BRINP1: variants seen among roughly 807,000 people sequenced by gnomAD.
BRINP1 encodes the protein BMP/retinoic acid-inducible neural-specific protein 1.
A neutral mutation model predicts 72.9 loss-of-function variants in BRINP1; 17 were observed. The observed-to-expected ratio is 0.23, with a 90% CI of 0.16 to 0.35. The LOEUF (loss-of-function observed/expected upper bound fraction) is 0.35, where lower values mean the gene tolerates loss of function less well. Ranked by LOEUF, BRINP1 falls within the 10% of genes least tolerant of loss-of-function variation. The pLI, the probability that BRINP1 is intolerant of heterozygous loss-of-function variation, is 1.00. For missense variants in BRINP1, 850 were observed against 1,001.6 expected (o/e 0.85, Z 2.04); for synonymous variants, 418 against 378.5 (o/e 1.10, Z -1.21).
intron 7 of BRINP1, among the ~76,000 whole-genome samples, chr9:119,189,539 G>T (rs747686581): frequency 1.4e-4 from 21 of 152,172 alleles, no homozygotes; most frequent in South Asian, 6.2e-4. Context: ...AGATAAAATA[G>T]ACTTCAAGTC....
intron 5 of BRINP1, among the ~76,000 whole-genome samples, chr9:119,232,559 C>G (rs1157373152): frequency 6.6e-6 from 1 of 152,096 alleles, no homozygotes; most frequent in Non-Finnish European, 1.5e-5. Context: ...TTATTGTCTG[C>G]TTTTGCCATA....
At chr9:119,336,490 T>C (rs528058426) in intron 1 of BRINP1, among the ~76,000 whole-genome samples, 1 of 152,092 alleles carries the variant, frequency 6.6e-6, no homozygotes, top group East Asian at 1.9e-4. Flanking sequence ...GGAGAAACAT[T>C]TGGACCTTTG....
At position 119,340,741 on chromosome 9, in the gene BRINP1, A is replaced by G. The variant is rs1831397876; in HGVS notation, c.-50-27336T>C. ...CAAATGCCCAACCTATGATGGGGAG[A>G]GTAAACTTGTGATTCATGTTCATTC... is the stretch of plus-strand genomic sequence containing the variant. On this transcript the variant is annotated intron_variant, in intron 1 of 7. Transcript: ENST00000265922. Among the ~76,000 whole-genome samples, 3 of 152,182 alleles carry G rather than the reference A, an allele frequency of 2.0e-5. No individual in the cohort carries two copies. In the South Asian group the frequency reaches 6.2e-4, roughly 32 times the overall value.
At chr9:119,350,905 T>C (rs1222996133) in intron 1 of BRINP1, among the ~76,000 whole-genome samples, 1 of 150,130 alleles carries the variant, frequency 6.7e-6, no homozygotes, top group Non-Finnish European at 1.5e-5. Flanking sequence ...TTTATGTCTT[T>C]TTTTTTTTTT....
At position 119,172,860 on chromosome 9, in the gene BRINP1, A is replaced by C. The variant is rs547229997; in HGVS notation, c.1146-4636T>G. ...ATCAATAAATGTAATCCAGCATATA[A>C]ACAGAGACAAAGACAAAAACCACAT... On this transcript the variant is annotated intron_variant, in intron 7 of 7. Transcript: ENST00000265922. Among the ~76,000 whole-genome samples the C allele has an allele frequency of 2.8e-3, 422 of 151,696 alleles. 7 individuals carry two copies. Among genetic ancestry groups the C allele is most frequent in the African/African-American group, 9.6e-3 (396 of 41,056 alleles).
At chr9:119,338,952 A>C (rs894061442) in intron 1 of BRINP1, among the ~76,000 whole-genome samples, 3 of 151,988 alleles carry the variant, frequency 2.0e-5, no homozygotes, top group African/African-American at 7.2e-5. Flanking sequence ...GAAGGAAGGA[A>C]GAAAAGAAGA....
rs1307524043 is a variant in BRINP1 at position 119,369,094 on chromosome 9, G to C, written c.-89C>G. ...CCGTCTTTGGCGGAGAGCTGCGGGA[G>C]GACGCTTTTTATTCGGCTCGGTGGG... On this transcript the variant is annotated 5_prime_UTR_variant, in exon 1 of 8. Transcript: ENST00000265922. The C allele has an allele frequency of 2.5e-6, 1 of 397,370 alleles. No individual in the cohort carries two copies. The highest frequency in any genetic ancestry group is 2.1e-5 in the African/African-American group (1 of 48,548). 24.6% of individuals were successfully genotyped at this position (397,370 alleles called of 1,614,324 possible).
chr9:119,170,870 C>A (rs1829399518), intron 7 of BRINP1, among the ~76,000 whole-genome samples: 2 of 145,930 alleles, frequency 1.4e-5, no homozygotes, highest in African/African-American at 5.4e-5. Flanking sequence ...AATTTCATAT[C>A]CAGCCAAACT....
At chr9:119,310,089 T>C (rs1009898699) in intron 2 of BRINP1, among the ~76,000 whole-genome samples, 3 of 152,102 alleles carry the variant, frequency 2.0e-5, no homozygotes, top group South Asian at 2.1e-4. Context: ...TTTCACAGAA[T>C]CATGGAATTT....
rs147594978 is a variant in BRINP1, at chr9:119,168,099, C to T, written c.1271G>A (p.Arg424His). ...CCCGCCTATCACGCAGGGGATGGGG[C>T]GCTGGCACAGCGTGGTGCTGCCGTG... The part of the protein sequence containing the change: ...VCHGSTTLCQ[R>H]PIPCVIGGNN... Residue 424 changes from arginine (R) to histidine (H), a missense_variant, in exon 8 of 8, where the codon CGC becomes CAC. By Grantham distance (29) the Arg-to-His change is conservative. Transcript: ENST00000265922. The T allele has an allele frequency of 7.5e-5, 121 of 1,609,220 alleles. No homozygotes were observed. Among genetic ancestry groups the T allele is most frequent in the Non-Finnish European group, 8.9e-5 (105 of 1,177,162 alleles).
chr9:119,249,805 T>TGGAAGGAAGGAAGGAAGGAAGGAAGGAA (rs1348208106), intron 2 of BRINP1, among the ~76,000 whole-genome samples: 6 of 31,570 alleles, frequency 1.9e-4, no homozygotes, highest in African/African-American at 7.7e-4. Context: ...AATAAACAAA[T>TGGAAGGAAGGAAGGAAGGAAGGAAGGAA]GGAAGGAAGG....
chr9:119,222,102 A>G (rs952851931), intron 5 of BRINP1, among the ~76,000 whole-genome samples: 40 of 152,148 alleles, frequency 2.6e-4, no homozygotes, highest in Non-Finnish European at 2.5e-4. Context: ...ACAAAGCTAT[A>G]GAAAACAACA....
chr9:119,230,377 C>T (rs146918932), intron 5 of BRINP1, among the ~76,000 whole-genome samples: 2 of 152,086 alleles, frequency 1.3e-5, no homozygotes, highest in East Asian at 1.9e-4. Flanking sequence ...AAGAAGATCA[C>T]GCTGGCTGCT....
chr9:119,184,185 C>G (rs1420823891), intron 7 of BRINP1, among the ~76,000 whole-genome samples: 1 of 152,134 alleles, frequency 6.6e-6, no homozygotes. Flanking sequence ...CTACTTGCTA[C>G]AAATGCAGAA....
At chr9:119,238,874 G>T in intron 4 of BRINP1, 114 bp from the exon 5 acceptor site, 1 of 617,990 alleles carries the variant, frequency 1.6e-6, no homozygotes. Context: ...CCTGGTTTGA[G>T]TCAATGGTCA....
At chr9:119,261,090 T>C (rs1830490525) in intron 2 of BRINP1, among the ~76,000 whole-genome samples, 1 of 152,168 alleles carries the variant, frequency 6.6e-6, no homozygotes, top group Non-Finnish European at 1.5e-5. Flanking sequence ...TCAGAACTGA[T>C]CAGAATGGAA....
At chr9:119,291,407 T>G (rs1263066463) in intron 2 of BRINP1, among the ~76,000 whole-genome samples, 1 of 152,210 alleles carries the variant, frequency 6.6e-6, no homozygotes, top group Non-Finnish European at 1.5e-5. Flanking sequence ...TAGAATCCCT[T>G]TGGTGACAGG....
At chr9:119,338,141 T>C (rs1054219274) in intron 1 of BRINP1, among the ~76,000 whole-genome samples, 5 of 152,190 alleles carry the variant, frequency 3.3e-5, no homozygotes, top group Admixed American at 2.0e-4. Flanking sequence ...AGAGGATATC[T>C]AGGCCAATGC....
chr9:119,233,401 C>T (rs1042103669), intron 5 of BRINP1, among the ~76,000 whole-genome samples: 1 of 152,008 alleles, frequency 6.6e-6, no homozygotes, highest in African/African-American at 2.4e-5. Context: ...TAAAAATATA[C>T]ATAAATAAGC....
Sources: allele counts gnomAD v4.1 joint callset (sites outside exome capture counted in the v4.1 genomes callset), GRCh38; gene constraint gnomAD v4.1.1; transcripts MANE v1.5; gene names NCBI Gene and HGNC (gene_info 2026-07-23, HGNC 2026-07-21).